Variants in SOX5 observed in about 807,000 individuals in gnomAD.
SOX5 encodes the protein SRY-box transcription factor 5.
In SOX5, 9 loss-of-function variants were observed where a neutral mutation model predicts 92.0. The ratio of observed to expected loss-of-function variants is 0.10; its 90% CI spans 0.06 to 0.17. SOX5 has a LOEUF of 0.17. SOX5 is among the 10% of genes least tolerant of loss of function. The probability of loss-of-function intolerance (pLI) is 1.00; values close to 1 mark genes in which losing one functional copy is unlikely to be tolerated. For synonymous variants in SOX5, 344 were observed against 336.3 expected (o/e 1.02, Z -0.25); for missense variants, 642 against 944.5 (o/e 0.68, Z 4.20).
chr12:24,181,852 C>T (rs1955530706), intron 4 of SOX5, among the ~76,000 whole-genome samples: 1 of 152,052 alleles, frequency 6.6e-6, no homozygotes, highest in Non-Finnish European at 1.5e-5. Flanking sequence ...AACTATGATT[C>T]AAAAATGGCC....
intron 1 of SOX5, among the ~76,000 whole-genome samples, chr12:24,547,240 G>A (rs10771094): frequency 0.31 from 45,116 of 145,060 alleles, 8,504 homozygotes; most frequent in East Asian, 0.81. Flanking sequence ...GCCGGACTGC[G>A]GACTGCAGTG....
chr12:24,103,200 T>C (rs573703734), intron 4 of SOX5, among the ~76,000 whole-genome samples: 3 of 152,196 alleles, frequency 2.0e-5, no homozygotes, highest in African/African-American at 7.2e-5. Context: ...AGGAACAAAT[T>C]AAGGAACATT....
chr12:24,020,735 C>T (rs532672141), intron 4 of SOX5, among the ~76,000 whole-genome samples: 1 of 152,234 alleles, frequency 6.6e-6, no homozygotes, highest in African/African-American at 2.4e-5. Flanking sequence ...CAATTTCATC[C>T]GGAGTCGCTT....
At chr12:23,768,779 T>C (rs760630196) in intron 3 of SOX5, among the ~76,000 whole-genome samples, 3 of 152,138 alleles carry the variant, frequency 2.0e-5, no homozygotes, top group Non-Finnish European at 2.9e-5. Context: ...TTTGTAATCA[T>C]TAAAATTGAT....
At chr12:23,883,571 G>T (rs1307402112) in intron 2 of SOX5, among the ~76,000 whole-genome samples, 1 of 152,156 alleles carries the variant, frequency 6.6e-6, no homozygotes, top group African/African-American at 2.4e-5. Context: ...TACATATGGA[G>T]AAGTTCTTAT....
intron 2 of SOX5, among the ~76,000 whole-genome samples, chr12:23,855,098 A>G (rs2096672501): frequency 6.6e-6 from 1 of 151,988 alleles, no homozygotes; most frequent in Admixed American, 6.6e-5. Context: ...GCAAAGAAAA[A>G]ACATATTAGG....
intron 2 of SOX5, among the ~76,000 whole-genome samples, chr12:24,320,524 A>AT (rs1004676137): frequency 6.6e-6 from 1 of 152,070 alleles, no homozygotes; most frequent in Non-Finnish European, 1.5e-5. Context: ...AGCAGATTTA[A>AT]TTTTTCTTTA....
At chr12:23,632,677 T>G (rs1171989827) in intron 8 of SOX5, among the ~76,000 whole-genome samples, 1 of 152,150 alleles carries the variant, frequency 6.6e-6, no homozygotes, top group Non-Finnish European at 1.5e-5. Context: ...TACCTCTACC[T>G]TGATGTTACT....
intron 4 of SOX5, among the ~76,000 whole-genome samples, chr12:23,979,698 G>GTTTTTTTGTTTTTTTTTTTTTT (rs1949313537): frequency 1.5e-5 from 1 of 64,692 alleles, no homozygotes; most frequent in Non-Finnish European, 2.7e-5. Flanking sequence ...ATATATATAT[G>GTTTTTTTGTTTTTTTTTTTTTT]TTTTTTTTGT....
intron 6 of SOX5, among the ~76,000 whole-genome samples, chr12:23,698,240 T>C (rs1366807674): frequency 1.3e-5 from 2 of 152,100 alleles, no homozygotes; most frequent in African/African-American, 2.4e-5. Context: ...GTTTCTTCTG[T>C]TTAGGGTTCT....
chr12:23,899,807 TG>T (rs1480678328), intron 1 of SOX5, among the ~76,000 whole-genome samples: 1 of 152,174 alleles, frequency 6.6e-6, no homozygotes, highest in Admixed American at 6.5e-5. Context: ...ACTTATTTAA[TG>T]GGAATAAAAA....
At chr12:24,250,467 AG>A (rs2140152233) in intron 3 of SOX5, among the ~76,000 whole-genome samples, 1 of 152,332 alleles carries the variant, frequency 6.6e-6, no homozygotes, top group Admixed American at 6.5e-5. Flanking sequence ...TAATACCAGC[AG>A]GAGGAGAAAA....
chr12:24,207,912 T>G (rs981493333), intron 4 of SOX5, among the ~76,000 whole-genome samples: 2 of 152,212 alleles, frequency 1.3e-5, no homozygotes, highest in African/African-American at 2.4e-5. Context: ...ATATCAGTAT[T>G]GGTAACTCAA....
intron 4 of SOX5, among the ~76,000 whole-genome samples, chr12:24,153,561 T>C (rs1951868045): frequency 6.6e-6 from 1 of 152,158 alleles, no homozygotes; most frequent in Non-Finnish European, 1.5e-5. Context: ...CTACCCTATC[T>C]ATGTCCTGTT....
At chr12:24,205,591 C>T (rs1441249422) in intron 4 of SOX5, among the ~76,000 whole-genome samples, 1 of 152,154 alleles carries the variant, frequency 6.6e-6, no homozygotes, top group African/African-American at 2.4e-5. Context: ...AGGAACCTTC[C>T]TCATACCCAT....
chr12:24,159,655 A>G (rs1021227252), intron 4 of SOX5, among the ~76,000 whole-genome samples: 6 of 152,028 alleles, frequency 3.9e-5, no homozygotes, highest in African/African-American at 1.2e-4. Context: ...AGAAGATAGC[A>G]TATGATAAAA....
intron 8 of SOX5, among the ~76,000 whole-genome samples, chr12:23,630,114 G>T (rs916116171): frequency 1.3e-5 from 2 of 151,944 alleles, no homozygotes; most frequent in African/African-American, 4.8e-5. Flanking sequence ...TTATAAAAAA[G>T]TTGCATATTA....
intron 1 of SOX5, among the ~76,000 whole-genome samples, chr12:24,552,578 T>C (rs1336547862): frequency 6.6e-6 from 1 of 152,244 alleles, no homozygotes; most frequent in African/African-American, 2.4e-5. Context: ...TTTTTACGTA[T>C]TCAGAATCTC....
chr12:23,637,775 T>C (rs1316472592), intron 8 of SOX5, among the ~76,000 whole-genome samples: 2 of 152,170 alleles, frequency 1.3e-5, no homozygotes, highest in Non-Finnish European at 2.9e-5. Flanking sequence ...AGAAAGGTCT[T>C]AGGAGAACTG....
Sources: gnomAD v4.1 joint callset for allele counts (sites outside exome capture counted in the v4.1 genomes callset) on GRCh38, gnomAD v4.1.1 for gene constraint, MANE v1.5 for transcripts, NCBI Gene and HGNC (gene_info 2026-07-23, HGNC 2026-07-21) for gene names.